Variants in ZNF451 observed in about 807,000 individuals in gnomAD.
ZNF451 encodes the protein zinc finger protein 451, also known as E3 SUMO-protein ligase ZNF451.
ZNF451 carries 80 observed loss-of-function variants against 107.1 expected under a neutral mutation model. The observed-to-expected ratio is 0.75, with a 90% CI of 0.62 to 0.90. ZNF451 has a LOEUF of 0.90. ZNF451 is among the 40% of genes least tolerant of loss of function. The pLI is 0.00. For synonymous variants in ZNF451, 362 were observed against 406.5 expected, an observed-to-expected ratio of 0.89 and a Z score of 1.32; for missense variants, 1,107 against 1,236.2, an observed-to-expected ratio of 0.90 and a Z score of 1.57.
In ZNF451 at chr6:57,156,152, A is replaced by G. The variant is rs902184416; in HGVS notation, c.3070+2105A>G. Among the ~76,000 whole-genome samples, 3 of 152,322 alleles carry G rather than the reference A, an allele frequency of 2.0e-5. No individual in the cohort carries two copies. The East Asian group carries it at 5.8e-4, about 29-fold the overall frequency. On this transcript the variant is annotated intron_variant, in intron 13 of 14. Coordinates refer to ENST00000370706, the MANE Select transcript of ZNF451 (RefSeq NM_001031623.3). ...ATTTTTTATTATTACTACCATAAAA[A>G]GAAAATGTGATTCCTAGCCACTACA...
chr6:57,169,708 A>G lies in ZNF451; in HGVS notation c.*1239A>G, dbSNP rs1764046598. ...TTTCAATCTATAATTTGTGTTTTTA[A>G]TTTCTTGATATGTCACTTCTGTTCC... On this transcript the variant is annotated 3_prime_UTR_variant, in exon 15 of 15. Transcript: ENST00000370706. 1 of 152,038 alleles carries G rather than the reference A, an allele frequency of 6.6e-6. No individual in the cohort carries two copies. The highest frequency in any genetic ancestry group is 1.5e-5 in the Non-Finnish European group (1 of 67,996). The allele number at this position is 152,038 out of a possible 1,614,324, so 9.4% of individuals were successfully genotyped here.
At chr6:57,104,618 A>T in intron 3 of ZNF451, 1 of 985,292 alleles carries the variant, frequency 1.0e-6, no homozygotes, top group East Asian at 1.1e-4. Context: ...AAAAAGAAAA[A>T]AAAAGGCACA....
intron 13 of ZNF451, among the ~76,000 whole-genome samples, chr6:57,155,482 C>T (rs1200199314): frequency 1.3e-5 from 2 of 152,166 alleles, no homozygotes; most frequent in African/African-American, 4.8e-5. Flanking sequence ...CCAAAAACTT[C>T]GTCTCAAACA....
At chr6:57,102,955 A>G (rs752322562) in intron 3 of ZNF451, 6 of 985,328 alleles carry the variant, frequency 6.1e-6, no homozygotes, top group African/African-American at 1.7e-5. Flanking sequence ...TGTAAGACTG[A>G]GTCATGGTAG....
chr6:57,164,342 T>A (rs895777448), intron 14 of ZNF451, among the ~76,000 whole-genome samples: 2 of 152,206 alleles, frequency 1.3e-5, no homozygotes, highest in African/African-American at 4.8e-5. Context: ...TATACCTACC[T>A]TACTAGAATA....
chr6:57,134,579 A>G (rs914163323), intron 6 of ZNF451, among the ~76,000 whole-genome samples, 165 bp from the exon 7 acceptor site: 1 of 152,246 alleles, frequency 6.6e-6, no homozygotes, highest in African/African-American at 2.4e-5. Context: ...TATGGGAACC[A>G]CTTGATATTT....
At chr6:57,166,026 A>G (rs1297487865) in intron 14 of ZNF451, among the ~76,000 whole-genome samples, 1 of 151,582 alleles carries the variant, frequency 6.6e-6, no homozygotes, top group African/African-American at 2.4e-5. Context: ...CGATTAGGCT[A>G]TACTACTTTT....
At position 57,148,198 on chromosome 6, in the gene ZNF451, A is replaced by G. The variant is rs1219927394; in HGVS notation, c.2113A>G (p.Ile705Val). 2.5e-6 allele frequency: 4 copies of G among 1,613,956 alleles called. No individual in the cohort carries two copies. Among genetic ancestry groups the G allele is most frequent in the Non-Finnish European group, 3.4e-6 (4 of 1,179,990 alleles). ...TGTGTCAGAAAAAACTGAAACTTCA[A>G]TTAAAACCGAAGATGATTTTCCAGT... is the stretch of plus-strand genomic sequence containing the variant. The part of the protein sequence containing the change: ...VFVSEKTETS[I>V]KTEDDFPVIE... Residue 705 changes from isoleucine to valine, a missense_variant, in exon 10 of 15, where the codon ATT (isoleucine) becomes GTT (valine). Ile to Val is a conservative substitution (Grantham distance 29, BLOSUM62 3). Coordinates refer to ENST00000370706, the MANE Select transcript of ZNF451 (RefSeq NM_001031623.3).
chr6:57,109,398 GACCC>G (rs1314889057), intron 3 of ZNF451: 1 of 985,308 alleles, frequency 1.0e-6, no homozygotes, highest in East Asian at 1.1e-4. Context: ...CAAAGACCTT[GACCC>G]TCAGCATTAG....
intron 4 of ZNF451, among the ~76,000 whole-genome samples, chr6:57,128,177 G>A (rs1021732808): frequency 3.9e-5 from 6 of 152,048 alleles, no homozygotes; most frequent in African/African-American, 1.2e-4. Flanking sequence ...TACTTACTAG[G>A]CTCCTTCTGT....
intron 3 of ZNF451, chr6:57,099,624 C>A: frequency 1.5e-6 from 1 of 667,070 alleles, no homozygotes; most frequent in Non-Finnish European, 2.7e-6. Flanking sequence ...ATCCCTTTAA[C>A]CTTGTCTGTG....
intron 3 of ZNF451, among the ~76,000 whole-genome samples, chr6:57,111,264 T>C (rs1430055686): frequency 6.6e-6 from 1 of 151,924 alleles, no homozygotes; most frequent in African/African-American, 2.4e-5. Flanking sequence ...TTCATCCTTT[T>C]TTTTTTTTTT....
chr6:57,123,547 A>C (rs957267636), intron 3 of ZNF451, among the ~76,000 whole-genome samples: 4 of 152,078 alleles, frequency 2.6e-5, no homozygotes, highest in African/African-American at 4.8e-5. Context: ...AGGGCTGAAA[A>C]ACTTCCTATT....
intron 3 of ZNF451, among the ~76,000 whole-genome samples, chr6:57,111,144 C>A (rs1830088557): frequency 6.6e-6 from 1 of 152,136 alleles, no homozygotes; most frequent in Admixed American, 6.5e-5. Flanking sequence ...TGGTCTCGAA[C>A]TCCTGACCTC....
rs146455740 is a variant in ZNF451 at position 57,134,772 on chromosome 6, A to G, written c.604A>G (p.Ile202Val). 6 of 1,613,260 alleles carry G rather than the reference A, an allele frequency of 3.7e-6. No individual in the cohort carries two copies. The African/African-American group carries it at 5.3e-5, about 14-fold the overall frequency. ...RFDHSPCDPT[I>V]TLHGPFFSSF... ...CGATCACTCTCCATGTGATCCAACA[A>G]TTACACTACATGGACCTTTCTTCAG... The change falls in exon 7 of 15, where the codon ATT (isoleucine) becomes GTT (valine). Residue 202 changes from isoleucine to valine, a missense_variant. Transcript: ENST00000370706.
chr6:57,101,844 C>G, intron 3 of ZNF451: 5 of 1,550,588 alleles, frequency 3.2e-6, no homozygotes, highest in Non-Finnish European at 4.4e-6. Context: ...AGATCTCCCA[C>G]TTGCCCTTTG....
In ZNF451 at chr6:57,142,054, C is replaced by G; in HGVS notation, c.963C>G (p.His321Gln). 7.4e-6 allele frequency: 12 copies of G among 1,613,868 alleles called. No individual in the cohort carries two copies. Among genetic ancestry groups the G allele is most frequent in the Non-Finnish European group, 9.3e-6 (11 of 1,179,796 alleles). Residue 321 changes from histidine to glutamine, a missense_variant, in exon 9 of 15, where the codon CAC becomes CAG. By Grantham distance (24) the His-to-Gln change is conservative (BLOSUM62 0). Coordinates refer to ENST00000370706, the MANE Select transcript of ZNF451 (RefSeq NM_001031623.3). ...TTCAAGTTAAGTGTGTGGCCTGCCACAAGACACTGCGTTCCCACATGGAGC... is the reference window on the plus strand; with the variant it reads ...TTCAAGTTAAGTGTGTGGCCTGCCAGAAGACACTGCGTTCCCACATGGAGC... The part of the protein sequence containing the change: ...VPFQVKCVAC[H>Q]KTLRSHMELT...
chr6:57,119,172 A>T (rs537575436), intron 3 of ZNF451, among the ~76,000 whole-genome samples: 1 of 152,204 alleles, frequency 6.6e-6, no homozygotes, highest in East Asian at 1.9e-4. Flanking sequence ...TGGGTTGTAC[A>T]TATGTGACTG....
chr6:57,111,747 T>C (rs1010732989), intron 3 of ZNF451, among the ~76,000 whole-genome samples: 4 of 152,214 alleles, frequency 2.6e-5, no homozygotes, highest in Admixed American at 2.6e-4. Flanking sequence ...AAGGAGGATG[T>C]AAGTCATTTT....
Sources: allele counts gnomAD v4.1 joint callset (sites outside exome capture counted in the v4.1 genomes callset), GRCh38; gene constraint gnomAD v4.1.1; transcripts MANE v1.5; gene names NCBI Gene and HGNC (gene_info 2026-07-23, HGNC 2026-07-21).